SGIP1: variants seen among roughly 807,000 people sequenced by gnomAD.
SGIP1 encodes the protein SH3-containing GRB2-like protein 3-interacting protein 1.
A neutral mutation model predicts 107.5 loss-of-function variants in SGIP1; 38 were observed. The ratio of observed to expected loss-of-function variants is 0.35; its 90% confidence interval spans 0.27 to 0.46. The LOEUF (loss-of-function observed/expected upper bound fraction) is 0.46, where lower values mean the gene tolerates loss of function less well. Ranked by LOEUF, SGIP1 falls within the 20% of genes least tolerant of loss-of-function variation. SGIP1 has a pLI of 1.00. For synonymous variants in SGIP1, 365 were observed against 366.1 expected (o/e 1.00, Z 0.03); for missense variants, 929 against 1,019.5 (o/e 0.91, Z 1.21).
intron 1 of SGIP1, among the ~76,000 whole-genome samples, chr1:66,561,486 C>T (rs1413677390): frequency 1.3e-5 from 2 of 151,940 alleles, no homozygotes; most frequent in African/African-American, 4.8e-5. Flanking sequence ...TAGAACATAG[C>T]AGAACTTGAG....
At chr1:66,533,942 G>C (rs922224664), upstream of SGIP1, among the ~76,000 whole-genome samples, 2 of 151,736 alleles carry the variant, frequency 1.3e-5, no homozygotes, top group African/African-American at 4.9e-5. Context: ...CACCAGGTGG[G>C]GAAGGGGCTG....
intron 18 of SGIP1, among the ~76,000 whole-genome samples, chr1:66,705,939 G>T (rs1232708835): frequency 2.6e-5 from 4 of 151,922 alleles, no homozygotes; most frequent in Non-Finnish European, 5.9e-5. Context: ...TAAAAACTGG[G>T]TGACGGGTTG....
At chr1:66,554,784 A>G (rs1365163105) in intron 1 of SGIP1, among the ~76,000 whole-genome samples, 3 of 152,148 alleles carry the variant, frequency 2.0e-5, no homozygotes, top group Non-Finnish European at 4.4e-5. Context: ...AGCATTTTGG[A>G]TAAGGAATAC....
chr1:66,676,805 C>T (rs1181643501), intron 12 of SGIP1, among the ~76,000 whole-genome samples, 199 bp from the exon 13 acceptor site: 1 of 152,058 alleles, frequency 6.6e-6, no homozygotes, highest in Non-Finnish European at 1.5e-5. Context: ...ACACTCCTCC[C>T]ACCCACACTC....
chr1:66,673,226 G>T, intron 11 of SGIP1, 55 bp from the exon 12 acceptor site: 3 of 1,527,618 alleles, frequency 2.0e-6, no homozygotes, highest in South Asian at 2.2e-5. Context: ...ATATCTTTTT[G>T]AGTATTAATT....
chr1:66,599,045 C>T (rs2065250871), intron 1 of SGIP1, among the ~76,000 whole-genome samples: 1 of 152,118 alleles, frequency 6.6e-6, no homozygotes, highest in Admixed American at 6.5e-5. Context: ...AAGCAACATA[C>T]CCCTCATTAG....
At chr1:66,671,133 A>C (rs1374470496) in intron 10 of SGIP1, 114 bp downstream of exon 10, 2 of 494,360 alleles carry the variant, frequency 4.0e-6, no homozygotes, top group South Asian at 6.7e-5. Flanking sequence ...AATTTTTAAG[A>C]CTTACAATTT....
chr1:66,534,302 G>T lies in SGIP1; in HGVS notation c.-57G>T, dbSNP rs2053045552. ...GAGGACTTAGCTGGGACCTGGAATCGTATCCTCCTGTGTTTTTTCAGACTC... is the reference window on the plus strand; with the variant it reads ...GAGGACTTAGCTGGGACCTGGAATCTTATCCTCCTGTGTTTTTTCAGACTC... On this transcript the variant is annotated 5_prime_UTR_variant, in exon 1 of 25. Coordinates refer to ENST00000371037, the MANE Select transcript of SGIP1 (RefSeq NM_032291.4). 1.9e-6 allele frequency: 3 copies of T among 1,600,138 alleles called. No individual in the cohort carries two copies. The Admixed American group carries it at 5.0e-5, about 27-fold the overall frequency.
At chr1:66,684,287 C>G (rs933234875) in intron 15 of SGIP1, 1 of 1,492,550 alleles carries the variant, frequency 6.7e-7, no homozygotes, top group Non-Finnish European at 9.0e-7. Context: ...ACTACTGACA[C>G]CCATCTACAC....
chr1:66,659,976 AAGAAAGAAAGAAAGAAAGAAAGAC>A lies in SGIP1; in HGVS notation c.460-533_460-510del, dbSNP rs1446146291. 2.4e-4 allele frequency: 20 copies of A among 85,092 alleles called. 2 individuals are homozygous for A. The highest frequency in any genetic ancestry group is 1.6e-3 in the African/African-American group (19 of 11,542). The allele number at this position is 85,092 out of a possible 1,614,324, so 5.3% of individuals were successfully genotyped here. A position where few individuals can be genotyped will look rare whatever the true frequency, so the allele number is the denominator to read the frequency against. On this transcript the variant is annotated intron_variant, in intron 7 of 24. Transcript: ENST00000371037. ...AAAGAAAGAAAGAAAGAAAGAAAGA[AAGAAAGAAAGAAAGAAAGAAAGAC>A]AGACAGACAGACAGACAGGAAGGAA...
chr1:66,563,030 T>C (rs2059171849), intron 1 of SGIP1, among the ~76,000 whole-genome samples: 1 of 151,550 alleles, frequency 6.6e-6, no homozygotes, highest in Admixed American at 6.6e-5. Flanking sequence ...TATAAGAAAT[T>C]GAAGAAAAAA....
At chr1:66,688,963 T>A (rs2150083685) in intron 15 of SGIP1, among the ~76,000 whole-genome samples, 185 bp from the exon 16 acceptor site, 1 of 150,162 alleles carries the variant, frequency 6.7e-6, no homozygotes. Flanking sequence ...CAACCATAGC[T>A]GAAATCATTA....
intron 1 of SGIP1, among the ~76,000 whole-genome samples, chr1:66,543,514 G>A (rs1446494856): frequency 6.6e-6 from 1 of 152,202 alleles, no homozygotes; most frequent in African/African-American, 2.4e-5. Context: ...CCAAAACTGT[G>A]AATAGACAAA....
intron 7 of SGIP1, among the ~76,000 whole-genome samples, chr1:66,655,442 G>T (rs1228112351): frequency 6.6e-6 from 1 of 151,982 alleles, no homozygotes; most frequent in Non-Finnish European, 1.5e-5. Context: ...TTTTAAAATT[G>T]CATTTGCCGT....
intron 2 of SGIP1, among the ~76,000 whole-genome samples, chr1:66,629,896 CTTATG>C (rs2073871467): frequency 6.6e-6 from 1 of 152,150 alleles, no homozygotes; most frequent in Non-Finnish European, 1.5e-5. Flanking sequence ...AGGTTCTTCA[CTTATG>C]TTAGTCCACT....
At chr1:66,660,182 A>AGG (rs1557504402) in intron 7 of SGIP1, 4 of 179,786 alleles carry the variant, frequency 2.2e-5, no homozygotes, top group African/African-American at 1.6e-4. Flanking sequence ...AAAGAAAGAA[A>AGG]GAAAGAAAGA....
intron 18 of SGIP1, among the ~76,000 whole-genome samples, chr1:66,706,482 ATATT>A (rs1204802526): frequency 4.1e-5 from 6 of 147,804 alleles, no homozygotes; most frequent in African/African-American, 9.8e-5. Flanking sequence ...ATTTTAATAA[ATATT>A]TATGACAGTT....
At chr1:66,736,702 G>A (rs2094273796) in intron 21 of SGIP1, among the ~76,000 whole-genome samples, 1 of 150,434 alleles carries the variant, frequency 6.6e-6, no homozygotes, top group African/African-American at 2.4e-5. Flanking sequence ...TATTTTGGGG[G>A]GTGTTAGGAC....
chr1:66,626,552 A>G (rs1183973339), intron 2 of SGIP1, among the ~76,000 whole-genome samples: 1 of 152,242 alleles, frequency 6.6e-6, no homozygotes, highest in Admixed American at 6.5e-5. Context: ...ATGACATAAC[A>G]GTTTCATTCC....
Sources: gnomAD v4.1 joint callset for allele counts (sites outside exome capture counted in the v4.1 genomes callset) on GRCh38, gnomAD v4.1.1 for gene constraint, MANE v1.5 for transcripts, NCBI Gene and HGNC (gene_info 2026-07-23, HGNC 2026-07-21) for gene names.